Variants in TRAPPC14 observed in about 807,000 individuals in gnomAD.
TRAPPC14 encodes the protein trafficking protein particle complex subunit 14.
Under a neutral mutation model 56.6 loss-of-function variants are expected in TRAPPC14, and 24 were observed. The ratio of observed to expected loss-of-function variants is 0.42; its 90% CI spans 0.31 to 0.60. The LOEUF is 0.60. Among genes scored for constraint, TRAPPC14 ranks in the 20% least tolerant of loss-of-function variants. TRAPPC14 has a pLI of 0.14. For synonymous variants in TRAPPC14, 377 were observed against 347.0 expected (o/e 1.09, Z -0.96); for missense variants, 615 against 790.3 (o/e 0.78, Z 2.66).
At position 100,156,605 on chromosome 7, in the gene TRAPPC14, G is replaced by A. The variant is rs184343680; in HGVS notation, c.1076+29C>T. 2.1e-4 allele frequency: 346 copies of A among 1,611,090 alleles called. 1 individual carries two copies. Among genetic ancestry groups the A allele is most frequent in the African/African-American group, 4.4e-4 (33 of 74,978 alleles). ...TGTGTGTCAGGCCACAAAGGCGAAC[G>A]CCACGATTCCTCCAGGATCCACACT... On this transcript the variant is annotated intron_variant, in intron 7 of 10. Coordinates refer to ENST00000316937, the MANE Select transcript of TRAPPC14 (RefSeq NM_018275.5).
At chr7:100,155,487 CG>C (rs1798859087) in intron 9 of TRAPPC14, 32 bp from the exon 10 acceptor site, 1 of 1,515,210 alleles carries the variant, frequency 6.6e-7, no homozygotes, top group Admixed American at 2.3e-5. Context: ...CATGCCAGCT[CG>C]GCTTCCAGGA....
At position 100,155,363 on chromosome 7, in the gene TRAPPC14, G is replaced by GGGGCTGCTC; in HGVS notation, c.1479_1487dup (p.Ser497_Pro499dup). 1 of 1,550,478 alleles carries GGGGCTGCTC rather than the reference G, an allele frequency of 6.4e-7. No individual in the cohort carries two copies. Among genetic ancestry groups the GGGGCTGCTC allele is most frequent in the Middle Eastern group, 1.7e-4 (1 of 5,960 alleles). On this transcript the variant is annotated inframe_insertion, in exon 10 of 11. Coordinates refer to ENST00000316937, the MANE Select transcript of TRAPPC14 (RefSeq NM_018275.5). ...CCAAGTCCCGGACAGCAGGGCTGCTGGGGCTGCTCTTGCGGGAGAGGGGCC... is the reference window on the plus strand; with the variant it reads ...CCAAGTCCCGGACAGCAGGGCTGCTGGGGCTGCTCGGGCTGCTCTTGCGGGAGAGGGGCC...
At position 100,156,623 on chromosome 7, in the gene TRAPPC14, T is replaced by C. The variant is rs756584894; in HGVS notation, c.1076+11A>G. The C allele has an allele frequency of 4.3e-6, 7 of 1,611,648 alleles. No homozygotes were observed. The Admixed American group carries it at 6.7e-5, about 15-fold the overall frequency. ...GGCGAACGCCACGATTCCTCCAGGA[T>C]CCACACTCACCGGTAGTGGGTGTAG... On this transcript the variant is annotated intron_variant, in intron 7 of 10. Transcript: ENST00000316937.
rs1327192766 is a variant in TRAPPC14, at chr7:100,156,339, C to T, written c.1240+47G>A. On this transcript the variant is annotated intron_variant, in intron 8 of 10. Coordinates refer to ENST00000316937, the MANE Select transcript of TRAPPC14 (RefSeq NM_018275.5). ...TCCTGCCTCCCTGACTTTTTCCTTT[C>T]TCTTCCCCTCCCTGGGGACCAAATT... The T allele has an allele frequency of 3.8e-6, 6 of 1,596,774 alleles. No individual in the cohort carries two copies. In the Admixed American group the frequency reaches 5.2e-5, roughly 14 times the overall value.
chr7:100,158,352 A>AC lies in TRAPPC14; in HGVS notation c.147dup (p.Leu50ValfsTer100). On this transcript the variant is annotated frameshift_variant, in exon 1 of 11. Coordinates refer to ENST00000316937, the MANE Select transcript of TRAPPC14 (RefSeq NM_018275.5). LOFTEE classifies it high-confidence loss of function. ...GACCCCGCACCGCCCCGGCAGCGCA[A>AC]CACCAGCAGAAAACGGACAGTCTCC... 1 of 1,485,252 alleles carries AC rather than the reference A, an allele frequency of 6.7e-7. No homozygotes were observed. The highest frequency in any genetic ancestry group is 2.4e-5 in the Admixed American group (1 of 42,138). The allele number at this position is 1,485,252 out of a possible 1,614,324, so 92.0% of individuals were successfully genotyped here. A position where few individuals can be genotyped will look rare whatever the true frequency, so the allele number is the denominator to read the frequency against.
rs187714435 is a variant in TRAPPC14, at chr7:100,155,930, A to T, written c.1241-105T>A. On this transcript the variant is annotated intron_variant, in intron 8 of 10. Transcript: ENST00000316937. ...ATTCTCAAAGCCACTCTGTGGAGTA[A>T]ACTGAGCAAACGTTATCTTTTGTGC... 118 of 1,394,736 alleles carry T rather than the reference A, an allele frequency of 8.5e-5. 1 individual carries two copies. Among genetic ancestry groups the T allele is most frequent in the Non-Finnish European group, 4.5e-5 (44 of 982,044 alleles). 86.4% of individuals were successfully genotyped at this position (1,394,736 alleles called of 1,614,324 possible). A position where few individuals can be genotyped will look rare whatever the true frequency, so the allele number is the denominator to read the frequency against.
In TRAPPC14 at chr7:100,154,788, C is replaced by G. The variant is rs574118270; in HGVS notation, c.*223G>C. ...GGCCTAGGGGTGGGGCCAGCCCCCC[C>G]CACAGGAACTCGGGGAATACTGGTG... On this transcript the variant is annotated 3_prime_UTR_variant, in exon 11 of 11. Coordinates refer to ENST00000316937, the MANE Select transcript of TRAPPC14 (RefSeq NM_018275.5). 1.7e-6 allele frequency: 1 copy of G among 592,294 alleles called. No homozygotes were observed. Among genetic ancestry groups the G allele is most frequent in the Non-Finnish European group, 3.0e-6 (1 of 333,284 alleles). The allele number at this position is 592,294 out of a possible 1,614,324, so 36.7% of individuals were successfully genotyped here.
Position 100,156,843 on chromosome 7 carries a change from A to C in TRAPPC14, c.993+2T>G. The C allele has an allele frequency of 6.2e-7, 1 of 1,613,678 alleles. No homozygotes were observed. The highest frequency in any genetic ancestry group is 8.5e-7 in the Non-Finnish European group (1 of 1,179,902). On this transcript the variant is annotated splice_donor_variant, in intron 6 of 10. Coordinates refer to ENST00000316937, the MANE Select transcript of TRAPPC14 (RefSeq NM_018275.5). LOFTEE classifies it high-confidence loss of function. ...TTGAACACACCAGCCCCTTATGCTC[A>C]CCTCCTTGGCCCCTGGAGGGGGCTG...
chr7:100,154,911 G>T lies in TRAPPC14; in HGVS notation c.*100C>A. 8.2e-7 allele frequency: 1 copy of T among 1,215,102 alleles called. No individual in the cohort carries two copies. The allele number at this position is 1,215,102 out of a possible 1,614,324, so 75.3% of individuals were successfully genotyped here. A position where few individuals can be genotyped will look rare whatever the true frequency, so the allele number is the denominator to read the frequency against. ...AGCTCTGCCAGGCCTCTTCACCCCC[G>T]TCTGGGAGGCATCCCAGGGGAGGCA... is the stretch of plus-strand genomic sequence containing the variant. On this transcript the variant is annotated 3_prime_UTR_variant, in exon 11 of 11. Transcript: ENST00000316937.
rs1256726229 is a variant in TRAPPC14, at chr7:100,158,325, C to T, written c.175G>A (p.Gly59Ser). The change falls in exon 1 of 11, where the codon GGC becomes AGC. Residue 59 changes from glycine (G) to serine (S), a missense_variant. By Grantham distance (56) the Gly-to-Ser change is moderately conservative (BLOSUM62 0). Coordinates refer to ENST00000316937, the MANE Select transcript of TRAPPC14 (RefSeq NM_018275.5). ...CCCAAGCCCGGGCCGCCCCCGGTGC[C>T]GGACCCCGCACCGCCCCGGCAGCGC... ...VLRCRGGAGS[G>S]TGGGPGLGSR... 2 of 1,463,266 alleles carry T rather than the reference C, an allele frequency of 1.4e-6. No individual in the cohort carries two copies. Among genetic ancestry groups the T allele is most frequent in the Admixed American group, 5.3e-5 (2 of 38,018 alleles). The allele number at this position is 1,463,266 out of a possible 1,614,324, so 90.6% of individuals were successfully genotyped here.
rs1798938147 is a variant in TRAPPC14, at chr7:100,158,619, G to A, written c.-120C>T. The A allele has an allele frequency of 9.6e-7, 1 of 1,041,842 alleles. No homozygotes were observed. The highest frequency in any genetic ancestry group is 3.3e-5 in the East Asian group (1 of 30,496). 64.5% of individuals were successfully genotyped at this position (1,041,842 alleles called of 1,614,324 possible). A position where few individuals can be genotyped will look rare whatever the true frequency, so the allele number is the denominator to read the frequency against. ...GCTGCTGCGCCCGGCTGGGGCGGCC[G>A]GAGAGACCGGCCCGGTCCCGGCACC... On this transcript the variant is annotated 5_prime_UTR_variant, in exon 1 of 11. Transcript: ENST00000316937.
chr7:100,157,011 C>T lies in TRAPPC14; in HGVS notation c.846-19G>A, dbSNP rs1388302309. On this transcript the variant is annotated intron_variant, in intron 5 of 10. Transcript: ENST00000316937. Reference sequence around the variant, plus strand: ...CTGGTGACTAGCTCAGAAAAGAGGACAAGGCATGGTCTCCCCATGCCAGAG... The same window carrying T: ...CTGGTGACTAGCTCAGAAAAGAGGATAAGGCATGGTCTCCCCATGCCAGAG... 2 of 1,613,948 alleles carry T rather than the reference C, an allele frequency of 1.2e-6. No homozygotes were observed. Among genetic ancestry groups the T allele is most frequent in the East Asian group, 2.2e-5 (1 of 44,892 alleles).
In TRAPPC14 at chr7:100,157,966, C is replaced by G. The variant is rs200182323; in HGVS notation, c.412-28G>C. 123 of 1,519,534 alleles carry G rather than the reference C, an allele frequency of 8.1e-5. No individual in the cohort carries two copies. In the African/African-American group the frequency reaches 1.4e-3, roughly 18 times the overall value. 94.1% of individuals were successfully genotyped at this position (1,519,534 alleles called of 1,614,324 possible). A position where few individuals can be genotyped will look rare whatever the true frequency, so the allele number is the denominator to read the frequency against. On this transcript the variant is annotated intron_variant, in intron 1 of 10. Transcript: ENST00000316937. ...GGGGTTGGGAAAGGGGTGAAGAGGTCAGGAGCAAGTCAGAGGCAGCCTGCA... is the reference window on the plus strand; with the variant it reads ...GGGGTTGGGAAAGGGGTGAAGAGGTGAGGAGCAAGTCAGAGGCAGCCTGCA...
intron 4 of TRAPPC14, 29 bp downstream of exon 4, chr7:100,157,344 C>CG: frequency 6.2e-7 from 1 of 1,613,318 alleles, no homozygotes. Flanking sequence ...TTGTTGCTCC[C>CG]GGAGGCTGGA....
At position 100,155,563 on chromosome 7, in the gene TRAPPC14, T is replaced by C; in HGVS notation, c.1395+108A>G. On this transcript the variant is annotated intron_variant, in intron 9 of 10. Transcript: ENST00000316937. Reference sequence around the variant, plus strand: ...CTGATGTCAAATCTAAATCCCACCTTCCCTCTGCCCAGCTTTTTATTTCAT... The same window carrying C: ...CTGATGTCAAATCTAAATCCCACCTCCCCTCTGCCCAGCTTTTTATTTCAT... The C allele has an allele frequency of 2.0e-6, 3 of 1,506,332 alleles. No homozygotes were observed. In the South Asian group the frequency reaches 4.0e-5, roughly 20 times the overall value. The allele number at this position is 1,506,332 out of a possible 1,614,324, so 93.3% of individuals were successfully genotyped here.
chr7:100,156,005 G>A (rs138111623), intron 8 of TRAPPC14, 180 bp from the exon 9 acceptor site: 263 of 830,504 alleles, frequency 3.2e-4, no homozygotes, highest in African/African-American at 3.1e-3. Flanking sequence ...GGCACGTCAC[G>A]TATATTAACT....
chr7:100,157,120 G>A lies in TRAPPC14; in HGVS notation c.819C>T (p.Gly273=), dbSNP rs1369723940. Residue 273 remains glycine, a synonymous_variant, in exon 5 of 11, where the codon GGC becomes GGT. Coordinates refer to ENST00000316937, the MANE Select transcript of TRAPPC14 (RefSeq NM_018275.5). ...NASYLPVMPD[G]SVLLVDNVCH... is the part of the protein sequence containing the mutation. ...AGACATTGTCCACCAGCAGCACAGA[G>A]CCATCGGGCATGACAGGTAGATAAC... 1 of 1,614,200 alleles carries A rather than the reference G, an allele frequency of 6.2e-7. No homozygotes were observed.
rs765715587 is a variant in TRAPPC14 at position 100,156,952 on chromosome 7, G to A, written c.886C>T (p.Leu296=). 5.0e-6 allele frequency: 8 copies of A among 1,614,092 alleles called. No homozygotes were observed. Among genetic ancestry groups the A allele is most frequent in the Non-Finnish European group, 6.8e-6 (8 of 1,180,020 alleles). Residue 296 remains leucine, a synonymous_variant, in exon 6 of 11, where the codon CTA becomes TTA. Coordinates refer to ENST00000316937, the MANE Select transcript of TRAPPC14 (RefSeq NM_018275.5). ...GGGAAGCAGCCAGAGGTCCCGGGTAGGCGGCAGAAGGAGCCCATGGAGACT... is the reference window on the plus strand; with the variant it reads ...GGGAAGCAGCCAGAGGTCCCGGGTAAGCGGCAGAAGGAGCCCATGGAGACT... ...GEVSMGSFCR[L]PGTSGCFPCP...
At chr7:100,155,626 C>T (rs1182535500) in intron 9 of TRAPPC14, 45 bp downstream of exon 9, 2 of 1,543,460 alleles carry the variant, frequency 1.3e-6, no homozygotes, top group Admixed American at 4.1e-5. Context: ...TCCACCCCAG[C>T]ATTCTGCATC....
Sources: gnomAD v4.1 joint callset for allele counts on GRCh38, gnomAD v4.1.1 for gene constraint, MANE v1.5 for transcripts, NCBI Gene and HGNC (gene_info 2026-07-23, HGNC 2026-07-21) for gene names.